The following GALNT17 variants were observed in gnomAD, a reference collection of about 807,000 sequenced individuals.
GALNT17 encodes the protein UDP-GalNAc:polypeptide N-acetylgalactosaminyltransferase-like 3.
A neutral mutation model predicts 63.7 loss-of-function variants in GALNT17; 29 were observed. That is an observed-to-expected ratio of 0.46 (90% CI 0.34 to 0.62). The LOEUF (loss-of-function observed/expected upper bound fraction) is 0.62, where lower values mean the gene tolerates loss of function less well. GALNT17 is among the 20% of genes least tolerant of loss of function. The pLI, the probability that GALNT17 is intolerant of heterozygous loss-of-function variation, is 0.01. For synonymous variants in GALNT17, 305 were observed against 318.3 expected, an observed-to-expected ratio of 0.96 and a Z score of 0.45; for missense variants, 603 against 799.6, an observed-to-expected ratio of 0.75 and a Z score of 2.97.
chr7:71,644,224 A>T (rs1175555559), intron 6 of GALNT17, among the ~76,000 whole-genome samples: 1 of 151,846 alleles, frequency 6.6e-6, no homozygotes, highest in Non-Finnish European at 1.5e-5. Context: ...CAACATAGTG[A>T]CATACCGATT....
intron 6 of GALNT17, among the ~76,000 whole-genome samples, chr7:71,616,789 AAT>A (rs1790211642): frequency 1.7e-5 from 2 of 114,538 alleles, no homozygotes; most frequent in Non-Finnish European, 3.6e-5. Context: ...ATATGTAACT[AAT>A]ATATTAGTGT....
At chr7:71,641,542 C>T (rs1165760819) in intron 6 of GALNT17, among the ~76,000 whole-genome samples, 1 of 152,096 alleles carries the variant, frequency 6.6e-6, no homozygotes, top group African/African-American at 2.4e-5. Flanking sequence ...TGCCGTCTTG[C>T]AATGTCCTCA....
intron 2 of GALNT17, among the ~76,000 whole-genome samples, chr7:71,356,795 T>TA (rs759233636): frequency 6.6e-6 from 1 of 152,018 alleles, no homozygotes; most frequent in South Asian, 2.1e-4. Context: ...TATATATATA[T>TA]TTTTTAGATG....
chr7:71,648,270 CT>C (rs200155271), intron 6 of GALNT17, among the ~76,000 whole-genome samples: 2,395 of 142,176 alleles, frequency 0.017, 22 homozygotes, highest in African/African-American at 0.033. Flanking sequence ...TCATGAGCTA[CT>C]TTTTTTTTTT....
intron 6 of GALNT17, among the ~76,000 whole-genome samples, chr7:71,598,054 C>G (rs536002962): frequency 2.4e-4 from 36 of 152,046 alleles, no homozygotes; most frequent in African/African-American, 8.2e-4. Flanking sequence ...AAATAATTCT[C>G]TGCCTCAGCC....
intron 3 of GALNT17, among the ~76,000 whole-genome samples, chr7:71,400,079 C>T (rs564594339): frequency 7.2e-5 from 11 of 152,232 alleles, no homozygotes; most frequent in South Asian, 6.2e-4. Flanking sequence ...GTTTGCTGCA[C>T]CCATCAGTCC....
chr7:71,451,315 C>A (rs915842930), intron 5 of GALNT17, among the ~76,000 whole-genome samples: 6 of 152,174 alleles, frequency 3.9e-5, no homozygotes, highest in Non-Finnish European at 5.9e-5. Context: ...GACAGCCTTT[C>A]CAGGATTTTC....
intron 1 of GALNT17, among the ~76,000 whole-genome samples, chr7:71,298,714 GTGTGT>G (rs1562981458): frequency 2.4e-4 from 14 of 57,832 alleles, no homozygotes; most frequent in Non-Finnish European, 4.9e-4. Context: ...CCAGTGGGGT[GTGTGT>G]GTGTGTGTGT....
intron 5 of GALNT17, among the ~76,000 whole-genome samples, chr7:71,506,589 T>C (rs1788273115): frequency 6.6e-6 from 1 of 152,162 alleles, no homozygotes; most frequent in Admixed American, 6.6e-5. Context: ...ATTTTTTACA[T>C]ATAATTTTAT....
At chr7:71,327,761 C>T (rs1036728690) in intron 1 of GALNT17, among the ~76,000 whole-genome samples, 2 of 152,128 alleles carry the variant, frequency 1.3e-5, no homozygotes, top group Non-Finnish European at 2.9e-5. Flanking sequence ...GAAGAAATTG[C>T]CACCCTAAGG....
intron 1 of GALNT17, among the ~76,000 whole-genome samples, chr7:71,333,387 C>T (rs956828425): frequency 6.6e-6 from 1 of 152,056 alleles, no homozygotes; most frequent in Admixed American, 6.6e-5. Context: ...TATTTTGTTT[C>T]TCCAGTCATC....
At chr7:71,535,309 A>C in intron 5 of GALNT17, among the ~76,000 whole-genome samples, 1 of 152,088 alleles carries the variant, frequency 6.6e-6, no homozygotes, top group Admixed American at 6.6e-5. Context: ...TTTCTTCTGC[A>C]TTTTCATCCG....
chr7:71,378,796 C>A (rs1163377536), intron 2 of GALNT17, among the ~76,000 whole-genome samples: 1 of 150,140 alleles, frequency 6.7e-6, no homozygotes, highest in African/African-American at 2.5e-5. Flanking sequence ...CCAGCCTGGG[C>A]AACACACTGA....
intron 1 of GALNT17, among the ~76,000 whole-genome samples, chr7:71,196,087 T>G (rs1470171858): frequency 6.6e-6 from 1 of 152,130 alleles, no homozygotes; most frequent in East Asian, 1.9e-4. Flanking sequence ...CCAGACCTCC[T>G]CCCATGTGCC....
chr7:71,369,776 C>T (rs530781599), intron 2 of GALNT17, among the ~76,000 whole-genome samples: 2 of 136,290 alleles, frequency 1.5e-5, no homozygotes, highest in East Asian at 4.5e-4. Flanking sequence ...CGCACCATTG[C>T]GCTCCAGCCT....
chr7:71,438,095 A>G (rs185196480), intron 5 of GALNT17, among the ~76,000 whole-genome samples: 26 of 152,304 alleles, frequency 1.7e-4, no homozygotes, highest in Admixed American at 1.2e-3. Context: ...GATTTGGACT[A>G]TGTGATATTA....
chr7:71,319,096 A>ATCTTTTTCTTTCTT (rs1554352837), intron 1 of GALNT17, among the ~76,000 whole-genome samples: 3 of 131,882 alleles, frequency 2.3e-5, no homozygotes, highest in Non-Finnish European at 4.8e-5. Context: ...ATTTTTGTTT[A>ATCTTTTTCTTTCTT]TCTTTCTTTC....
At chr7:71,623,290 T>A (rs1360511194) in intron 6 of GALNT17, among the ~76,000 whole-genome samples, 1 of 151,952 alleles carries the variant, frequency 6.6e-6, no homozygotes, top group Non-Finnish European at 1.5e-5. Flanking sequence ...CTTTCCAGGG[T>A]TTTTGTGAGG....
At chr7:71,612,065 T>C (rs1790133893) in intron 6 of GALNT17, among the ~76,000 whole-genome samples, 1 of 152,192 alleles carries the variant, frequency 6.6e-6, no homozygotes, top group African/African-American at 2.4e-5. Context: ...GTTCTTTTTG[T>C]TCTTGGAAAC....
Sources: allele counts gnomAD v4.1 joint callset (sites outside exome capture counted in the v4.1 genomes callset), GRCh38; gene constraint gnomAD v4.1.1; transcripts MANE v1.5; gene names NCBI Gene and HGNC (gene_info 2026-07-23, HGNC 2026-07-21).